Variants in BTAF1 observed in about 807,000 individuals in gnomAD.
BTAF1 encodes TATA-binding protein-associated factor 172.
BTAF1 carries 38 observed loss-of-function variants against 227.1 expected under a neutral mutation model. The ratio of observed to expected loss-of-function variants is 0.17; its 90% CI spans 0.13 to 0.22. The LOEUF is 0.22. Among genes scored for constraint, BTAF1 ranks in the 10% least tolerant of loss-of-function variants. The pLI, the probability that BTAF1 is intolerant of heterozygous loss-of-function variation, is 1.00. For synonymous variants in BTAF1, 742 were observed against 751.9 expected, an observed-to-expected ratio of 0.99 and a Z score of 0.21; for missense variants, 1,598 against 2,204.0, an observed-to-expected ratio of 0.73 and a Z score of 5.51.
rs559500968 is a variant in BTAF1 at position 91,966,393 on chromosome 10, A to T, written c.1530-244A>T. Among the ~76,000 whole-genome samples, 19 of 152,326 alleles carry T rather than the reference A, an allele frequency of 1.2e-4. No individual in the cohort carries two copies. In the South Asian group the frequency reaches 3.9e-3, roughly 32 times the overall value. On this transcript the variant is annotated intron_variant, in intron 13 of 37. Coordinates refer to ENST00000265990, the MANE Select transcript of BTAF1 (RefSeq NM_003972.3). ...AGCATTAGTGCCATAGAAGAACCTG[A>T]TGTTAGTATTTCTACCCTTCTTTTT...
intron 25 of BTAF1, 112 bp downstream of exon 25, chr10:91,997,863 C>G: frequency 1.9e-6 from 2 of 1,079,290 alleles, no homozygotes. Flanking sequence ...AATCCCAGCA[C>G]TTTCTGAGGC....
intron 4 of BTAF1, among the ~76,000 whole-genome samples, chr10:91,943,009 G>A (rs968705741): frequency 5.3e-5 from 8 of 151,952 alleles, no homozygotes; most frequent in African/African-American, 1.7e-4. Flanking sequence ...GGTGTCCAAC[G>A]CAAAAACTAA....
At position 91,952,848 on chromosome 10, in the gene BTAF1, A is replaced by G. The variant is rs371406194; in HGVS notation, c.565-889A>G. ...AGAAGATAAAGAGGATAATAGAATA[A>G]AAATGCAATAATATGATCACAGTAT... On this transcript the variant is annotated intron_variant, in intron 5 of 37. Coordinates refer to ENST00000265990, the MANE Select transcript of BTAF1 (RefSeq NM_003972.3). Among the ~76,000 whole-genome samples, 4 of 152,336 alleles carry G rather than the reference A, an allele frequency of 2.6e-5. No individual in the cohort carries two copies. In the East Asian group the frequency reaches 7.7e-4, roughly 29 times the overall value.
intron 19 of BTAF1, among the ~76,000 whole-genome samples, chr10:91,987,385 A>C (rs1211846514): frequency 6.6e-6 from 1 of 152,116 alleles, no homozygotes; most frequent in Non-Finnish European, 1.5e-5. Context: ...CGGGAGGCTG[A>C]AGCAGGAGAA....
intron 34 of BTAF1, among the ~76,000 whole-genome samples, chr10:92,022,249 G>C (rs941305821): frequency 1.4e-4 from 22 of 152,130 alleles, no homozygotes; most frequent in African/African-American, 5.1e-4. Flanking sequence ...TGGTAAGTAT[G>C]GTCTTGGAGA....
intron 1 of BTAF1, among the ~76,000 whole-genome samples, chr10:91,929,883 T>TTATAATG (rs1278724607): frequency 6.6e-6 from 1 of 152,134 alleles, no homozygotes; most frequent in Non-Finnish European, 1.5e-5. Flanking sequence ...CATTATAAGA[T>TTATAATG]GACAGAAGGA....
At chr10:92,001,198 T>C (rs1443022041) in intron 25 of BTAF1, among the ~76,000 whole-genome samples, 1 of 152,198 alleles carries the variant, frequency 6.6e-6, no homozygotes, top group Admixed American at 6.5e-5. Context: ...CCAGTAGTCT[T>C]GCTGAGCTGA....
chr10:91,939,478 G>C (rs762197863), intron 2 of BTAF1, among the ~76,000 whole-genome samples: 1 of 152,074 alleles, frequency 6.6e-6, no homozygotes, highest in Non-Finnish European at 1.5e-5. Flanking sequence ...TGCTCTTGTT[G>C]CCCAGATTGG....
In BTAF1 at chr10:92,028,892, T is replaced by C; in HGVS notation, c.5509T>C (p.Ser1837Pro). Residue 1837 changes from serine (S) to proline (P), a missense_variant, in exon 38 of 38, where the codon TCA becomes CCA. Around this residue, in one of 10 missense-constraint regions of BTAF1, gnomAD observed 79 missense variants for 97.9 expected, o/e 0.81. Coordinates refer to ENST00000265990, the MANE Select transcript of BTAF1 (RefSeq NM_003972.3). ...TCTTTGGGATCAAGAGCAGTATGAT[T>C]CAGAGTACAGCCTGGAAAATTTTAT... The part of the protein sequence containing the change: ...SDLWDQEQYD[S>P]EYSLENFMHS... 1.2e-6 allele frequency: 2 copies of C among 1,602,368 alleles called. No individual in the cohort carries two copies. The highest frequency in any genetic ancestry group is 1.7e-6 in the Non-Finnish European group (2 of 1,176,242).
intron 25 of BTAF1, among the ~76,000 whole-genome samples, chr10:92,003,718 C>G (rs1244967217): frequency 6.6e-6 from 1 of 152,176 alleles, no homozygotes; most frequent in Non-Finnish European, 1.5e-5. Flanking sequence ...CACAGAAATA[C>G]AGATATCTCT....
At chr10:91,997,083 T>C (rs1849189588) in intron 24 of BTAF1, 1 of 1,285,366 alleles carries the variant, frequency 7.8e-7, no homozygotes, top group Non-Finnish European at 1.0e-6. Flanking sequence ...CTGAAAGATA[T>C]TTCACAGAGC....
At chr10:92,007,576 GT>G (rs1850013978) in intron 25 of BTAF1, among the ~76,000 whole-genome samples, 1 of 152,170 alleles carries the variant, frequency 6.6e-6, no homozygotes, top group Non-Finnish European at 1.5e-5. Context: ...CTAATGTATA[GT>G]TCTAAGAAAT....
intron 25 of BTAF1, among the ~76,000 whole-genome samples, chr10:92,000,517 A>G (rs930092480): frequency 6.6e-6 from 1 of 152,140 alleles, no homozygotes; most frequent in Admixed American, 6.5e-5. Flanking sequence ...TCTAAACTCT[A>G]ATGCTTAGCA....
intron 25 of BTAF1, among the ~76,000 whole-genome samples, chr10:92,001,985 T>TATATACAC (rs1491424232): frequency 1.4e-5 from 1 of 73,374 alleles, no homozygotes; most frequent in African/African-American, 4.3e-5. Context: ...TATATATATA[T>TATATACAC]ACACACACAC....
chr10:91,982,217 G>A lies in BTAF1; in HGVS notation c.2040G>A (p.Met680Ile). The change falls in exon 17 of 38, where the codon ATG (methionine) becomes ATA (isoleucine). Residue 680 changes from methionine (M) to isoleucine (I), a missense_variant. Coordinates refer to ENST00000265990, the MANE Select transcript of BTAF1 (RefSeq NM_003972.3). ...RDFVVMRARM[M>I]AAKLLGALCC... is the part of the protein sequence containing the mutation. ...TTGTAGTTATGCGGGCCAGAATGAT[G>A]GCAGCCAAGTGAGTGTACATTAAGT... 6.2e-7 allele frequency: 1 copy of A among 1,613,882 alleles called. No homozygotes were observed. Among genetic ancestry groups the A allele is most frequent in the Non-Finnish European group, 8.5e-7 (1 of 1,179,866 alleles).
intron 33 of BTAF1, among the ~76,000 whole-genome samples, chr10:92,017,117 G>A (rs564264571): frequency 6.6e-6 from 1 of 152,316 alleles, no homozygotes; most frequent in Admixed American, 6.5e-5. Flanking sequence ...CCCTTGTAGA[G>A]ATGAAAAATA....
At position 91,940,047 on chromosome 10, in the gene BTAF1, A is replaced by G; in HGVS notation, c.234A>G (p.Pro78=). The change falls in exon 3 of 38, where the codon CCA becomes CCG. Residue 78 remains proline (P), a synonymous_variant. Coordinates refer to ENST00000265990, the MANE Select transcript of BTAF1 (RefSeq NM_003972.3). Reference sequence around the variant, plus strand: ...TGAAAAATGTACCTGAGTGGAATCCAGTGCCGAGAACCAGACAAGGTGCTT... The same window carrying G: ...TGAAAAATGTACCTGAGTGGAATCCGGTGCCGAGAACCAGACAAGGTGCTT... ...AIVKNVPEWN[P]VPRTRQEPTS... is the part of the protein sequence containing the mutation. 1.2e-6 allele frequency: 2 copies of G among 1,611,522 alleles called. No individual in the cohort carries two copies. The highest frequency in any genetic ancestry group is 1.7e-6 in the Non-Finnish European group (2 of 1,178,222).
At chr10:92,014,644 C>T (rs1850580716) in intron 32 of BTAF1, among the ~76,000 whole-genome samples, 1 of 152,198 alleles carries the variant, frequency 6.6e-6, no homozygotes, top group African/African-American at 2.4e-5. Flanking sequence ...GTCATGCTGT[C>T]CTCACAACAT....
intron 24 of BTAF1, 37 bp downstream of exon 24, chr10:91,996,607 T>C: frequency 1.0e-5 from 16 of 1,589,680 alleles, no homozygotes; most frequent in Non-Finnish European, 1.4e-5. Context: ...TCAGGAATTA[T>C]ATTCATTTCA....
Sources: gnomAD v4.1 joint callset for allele counts (sites outside exome capture counted in the v4.1 genomes callset) on GRCh38, gnomAD v4.1.1 for gene constraint, gnomAD v4.1.1 regional missense constraint, MANE v1.5 for transcripts, NCBI Gene and HGNC (gene_info 2026-07-23, HGNC 2026-07-21) for gene names.